The following ATP2B2 variants were observed in gnomAD, a reference collection of about 807,000 sequenced individuals.
The protein encoded by ATP2B2 is plasma membrane calcium-transporting ATPase 2.
ATP2B2 carries 15 observed loss-of-function variants against 120.0 expected under a neutral mutation model. That is an observed-to-expected ratio of 0.12 (90% confidence interval 0.08 to 0.19). ATP2B2 has a LOEUF of 0.19. ATP2B2 is among the 10% of genes least tolerant of loss of function. The pLI, the probability that ATP2B2 is intolerant of heterozygous loss-of-function variation, is 1.00. For missense variants in ATP2B2, 1,045 were observed against 1,719.8 expected, an observed-to-expected ratio of 0.61 and a Z score of 6.94; for synonymous variants, 694 against 700.3, an observed-to-expected ratio of 0.99 and a Z score of 0.14.
chr3:10,343,023 T>C lies in ATP2B2; in HGVS notation c.2704-58A>G. 6.3e-7 allele frequency: 1 copy of C among 1,575,604 alleles called. No homozygotes were observed. Among genetic ancestry groups the C allele is most frequent in the South Asian group, 1.1e-5 (1 of 90,134 alleles). On this transcript the variant is annotated intron_variant, in intron 18 of 22. Coordinates refer to ENST00000360273, the MANE Select transcript of ATP2B2 (RefSeq NM_001001331.4). This position sits in a 1 kb window ranked among gnomAD's most constrained non-coding sequence, Gnocchi z 4.2. ...GCGCCCACCTGCTGCTGTGAAGTGC[T>C]GGGCGGGCTCATGGTGTAGTGTCCG...
upstream of ATP2B2, among the ~76,000 whole-genome samples, chr3:10,507,139 A>G (rs948981743): frequency 2.0e-5 from 3 of 152,202 alleles, no homozygotes; most frequent in African/African-American, 7.2e-5. Context: ...TGGTCATTCA[A>G]GGCCTTGGCC....
chr3:10,692,666 C>A (rs6801160), intron 1 of ATP2B2, among the ~76,000 whole-genome samples: 1 of 152,022 alleles, frequency 6.6e-6, no homozygotes, highest in Non-Finnish European at 1.5e-5. Context: ...GGGTTCCCGG[C>A]CTCCCCAGGG....
At chr3:10,401,966 T>A in intron 4 of ATP2B2, 125 bp downstream of exon 4, 1 of 1,492,926 alleles carries the variant, frequency 6.7e-7, no homozygotes, top group Non-Finnish European at 9.2e-7. Flanking sequence ...GAAGACATCT[T>A]GGTTTGGGAT....
rs2060441410 is a variant in ATP2B2 at position 10,346,677 on chromosome 3, A to G, written c.2405-540T>C. Among the ~76,000 whole-genome samples the G allele has an allele frequency of 6.6e-6, 1 of 152,206 alleles. No homozygotes were observed. Among genetic ancestry groups the G allele is most frequent in the South Asian group, 2.1e-4 (1 of 4,834 alleles). ...TTCAATAAAACATTCAACGAATAAC[A>G]GAATGAACAAATGACATGTGGCCCC... On this transcript the variant is annotated intron_variant, in intron 16 of 22. Transcript: ENST00000360273. This position sits in a 1 kb window ranked among gnomAD's most constrained non-coding sequence, Gnocchi z 4.1.
intron 1 of ATP2B2, among the ~76,000 whole-genome samples, chr3:10,653,081 T>C (rs554774309): frequency 6.6e-6 from 1 of 152,318 alleles, no homozygotes; most frequent in South Asian, 2.1e-4. Context: ...ACTGCTAAGA[T>C]GGTACATTTT....
At chr3:10,600,708 C>A (rs1363690988) in intron 2 of ATP2B2, among the ~76,000 whole-genome samples, 1 of 152,218 alleles carries the variant, frequency 6.6e-6, no homozygotes, top group Non-Finnish European at 1.5e-5. Context: ...CTGGCTTGCA[C>A]AGGGGCCCTC....
intron 1 of ATP2B2, among the ~76,000 whole-genome samples, chr3:10,484,750 T>C (rs2065568999): frequency 6.6e-6 from 1 of 152,128 alleles, no homozygotes; most frequent in African/African-American, 2.4e-5. Flanking sequence ...GAAAGAAATC[T>C]TACACACCAG....
chr3:10,681,274 G>A (rs777098456), intron 1 of ATP2B2, among the ~76,000 whole-genome samples: 14 of 152,280 alleles, frequency 9.2e-5, no homozygotes, highest in South Asian at 6.2e-4. Flanking sequence ...GTGTGGCCAC[G>A]TCCCCCAGCA....
intron 2 of ATP2B2, among the ~76,000 whole-genome samples, chr3:10,417,208 C>A (rs561847710): frequency 6.7e-6 from 1 of 150,226 alleles, no homozygotes; most frequent in African/African-American, 2.5e-5. Flanking sequence ...TGGGCAGAGG[C>A]GCTTCTAATT....
chr3:10,560,994 A>G (rs1397782830), intron 2 of ATP2B2, among the ~76,000 whole-genome samples: 3 of 152,120 alleles, frequency 2.0e-5, no homozygotes, highest in African/African-American at 7.2e-5. Flanking sequence ...CTTCCAAGAA[A>G]ATCCTTCCGA....
rs374714860 is a variant in ATP2B2 at position 10,342,834 on chromosome 3, C to T, written c.2835G>A (p.Pro945=). 9.0e-5 allele frequency: 145 copies of T among 1,613,822 alleles called. No homozygotes were observed. The highest frequency in any genetic ancestry group is 1.1e-4 in the Non-Finnish European group (128 of 1,179,928). ...TCTTCATCATGGTCCTGGAGATGAG[C>T]GGCTTGTTGCGGCCGTACGGCTTCC... ...LLRKPYGRNK[P]LISRTMMKNI... Residue 945 remains proline (P), a synonymous_variant, in exon 19 of 23, where the codon CCG becomes CCA. Transcript: ENST00000360273. This position sits in a 1 kb window ranked among gnomAD's most constrained non-coding sequence, Gnocchi z 4.4.
intron 1 of ATP2B2, among the ~76,000 whole-genome samples, chr3:10,476,313 T>C (rs2065200781): frequency 6.6e-6 from 1 of 152,238 alleles, no homozygotes; most frequent in Non-Finnish European, 1.5e-5. Flanking sequence ...AGGAAGCCTT[T>C]GGCTCTCACT....
intron 1 of ATP2B2, among the ~76,000 whole-genome samples, chr3:10,650,277 C>T (rs950972519): frequency 6.6e-6 from 1 of 152,168 alleles, no homozygotes; most frequent in Admixed American, 6.5e-5. Context: ...AAAGGTGACT[C>T]TTGTTATGTT....
intron 1 of ATP2B2, among the ~76,000 whole-genome samples, chr3:10,703,286 C>A (rs190971645): frequency 6.6e-6 from 1 of 152,296 alleles, no homozygotes; most frequent in East Asian, 1.9e-4. Flanking sequence ...GTCCTGCGCG[C>A]AGAAAGCTTG....
In ATP2B2 at chr3:10,375,672, G is replaced by A; in HGVS notation, c.1202-28C>T. ...GCAATGTGAGGGACACATGCTTGGG[G>A]GGTTCCAGGAAGTGGAGGCTGGGGG... is the stretch of plus-strand genomic sequence containing the variant. On this transcript the variant is annotated intron_variant, in intron 10 of 22. Transcript: ENST00000360273. The surrounding 1 kb of genome is among the most constrained non-coding windows in gnomAD (Gnocchi z 4.2). The A allele has an allele frequency of 6.2e-7, 1 of 1,605,440 alleles. No individual in the cohort carries two copies. The highest frequency in any genetic ancestry group is 8.5e-7 in the Non-Finnish European group (1 of 1,173,274).
At chr3:10,592,451 A>T (rs1189802377) in intron 2 of ATP2B2, among the ~76,000 whole-genome samples, 2 of 152,204 alleles carry the variant, frequency 1.3e-5, no homozygotes, top group African/African-American at 4.8e-5. Context: ...GACTCTGCCC[A>T]TCCCAGGTTT....
At chr3:10,372,665 G>A (rs2061276001) in intron 11 of ATP2B2, among the ~76,000 whole-genome samples, 2 of 151,626 alleles carry the variant, frequency 1.3e-5, no homozygotes, top group South Asian at 4.2e-4. Flanking sequence ...TACACAAAAG[G>A]GAAAAAGAAA....
At chr3:10,554,056 G>A (rs973871692) in intron 2 of ATP2B2, among the ~76,000 whole-genome samples, 3 of 151,996 alleles carry the variant, frequency 2.0e-5, no homozygotes, top group Admixed American at 2.0e-4. Flanking sequence ...ACAAGGCATA[G>A]GAAGGCATGA....
chr3:10,655,391 G>A (rs116388950), intron 1 of ATP2B2, among the ~76,000 whole-genome samples: 3,021 of 152,208 alleles, frequency 0.02, 116 homozygotes, highest in African/African-American at 0.069. Flanking sequence ...CTCCAGACCT[G>A]CTCAATCAGA....
Sources: gnomAD v4.1 joint callset for allele counts (sites outside exome capture counted in the v4.1 genomes callset) on GRCh38, gnomAD v4.1.1 for gene constraint, Gnocchi (gnomAD v3.1) non-coding constraint, MANE v1.5 for transcripts, NCBI Gene and HGNC (gene_info 2026-07-23, HGNC 2026-07-21) for gene names.